The following PAK5 variants were observed in gnomAD, a reference collection of about 807,000 sequenced individuals.
The protein encoded by PAK5 is p21 (RAC1) activated kinase 5, also known as serine/threonine-protein kinase PAK 5.
In PAK5, 16 loss-of-function variants were observed where a neutral mutation model predicts 65.9. The ratio of observed to expected loss-of-function variants is 0.24; its 90% confidence interval spans 0.16 to 0.37. The LOEUF (loss-of-function observed/expected upper bound fraction) is 0.37, where lower values mean the gene tolerates loss of function less well. PAK5 is among the 10% of genes least tolerant of loss of function. The pLI, the probability that PAK5 is intolerant of heterozygous loss-of-function variation, is 1.00. For synonymous variants in PAK5, 371 were observed against 354.9 expected, an observed-to-expected ratio of 1.05 and a Z score of -0.51; for missense variants, 785 against 903.9, an observed-to-expected ratio of 0.87 and a Z score of 1.69.
chr20:9,707,455 T>C (rs2048023206), intron 2 of PAK5, among the ~76,000 whole-genome samples: 1 of 152,248 alleles, frequency 6.6e-6, no homozygotes, highest in Non-Finnish European at 1.5e-5. Flanking sequence ...AATACCTACT[T>C]ACTCTGTAAT....
At position 9,638,181 on chromosome 20, in the gene PAK5, C is replaced by T. The variant is rs143322394; in HGVS notation, c.204+5944G>A. Among the ~76,000 whole-genome samples the T allele has an allele frequency of 1.5e-3, 232 of 152,342 alleles. 1 individual carries two copies. The highest frequency in any genetic ancestry group is 5.2e-3 in the African/African-American group (217 of 41,560). The stretch of plus-strand genomic sequence containing the variant: ...ATCACAAACAAATACGACCATTCAA[C>T]CTGCCCTTTACATAATGCATCTAAT... On this transcript the variant is annotated intron_variant, in intron 3 of 9. Coordinates refer to ENST00000353224, the MANE Select transcript of PAK5 (RefSeq NM_177990.4).
chr20:9,634,211 A>C (rs2046956848), intron 3 of PAK5, among the ~76,000 whole-genome samples: 1 of 152,146 alleles, frequency 6.6e-6, no homozygotes, highest in Admixed American at 6.5e-5. Flanking sequence ...AGGGAGCTGC[A>C]GGTGTGATAG....
intron 1 of PAK5, among the ~76,000 whole-genome samples, chr20:9,734,563 C>CACACACACAT (rs2048368624): frequency 6.8e-6 from 1 of 147,162 alleles, no homozygotes; most frequent in Non-Finnish European, 1.5e-5. Context: ...CACACACACA[C>CACACACACAT]ACACACACAC....
intron 3 of PAK5, among the ~76,000 whole-genome samples, chr20:9,637,067 C>T (rs1569012550): frequency 6.6e-6 from 1 of 152,184 alleles, no homozygotes; most frequent in Non-Finnish European, 1.5e-5. Context: ...GTGGTTCAAT[C>T]GTGGCTCACT....
chr20:9,749,072 A>G (rs1198215704), intron 1 of PAK5, among the ~76,000 whole-genome samples: 1 of 152,076 alleles, frequency 6.6e-6, no homozygotes, highest in East Asian at 1.9e-4. Flanking sequence ...AGTTTTTTAG[A>G]TCTGGTGCTT....
rs2123800633 is a variant in PAK5, at chr20:9,838,602, C to G, written c.-162+160G>C. Among the ~76,000 whole-genome samples the G allele has an allele frequency of 6.6e-6, 1 of 152,304 alleles. No homozygotes were observed. Among genetic ancestry groups the G allele is most frequent in the East Asian group, 1.9e-4 (1 of 5,158 alleles). The stretch of plus-strand genomic sequence containing the variant: ...CCAGGCAGCAGGTCCCTAGCCTTTG[C>G]ATCTCCTAGGAGATGCAGGATCGCG... On this transcript the variant is annotated intron_variant, in intron 1 of 9. Coordinates refer to ENST00000353224, the MANE Select transcript of PAK5 (RefSeq NM_177990.4). The surrounding 1 kb of genome is among the most constrained non-coding windows in gnomAD (Gnocchi z 4.5).
chr20:9,806,974 C>T (rs1416196726), intron 1 of PAK5, among the ~76,000 whole-genome samples: 1 of 152,100 alleles, frequency 6.6e-6, no homozygotes, highest in African/African-American at 2.4e-5. Flanking sequence ...CTACAGTCTA[C>T]CCACATTCCT....
chr20:9,729,348 G>C (rs2048310532), intron 1 of PAK5, among the ~76,000 whole-genome samples: 1 of 152,132 alleles, frequency 6.6e-6, no homozygotes. Context: ...TGAAAAGTTA[G>C]GATGTCTGAT....
chr20:9,749,410 C>T (rs1600323500), intron 1 of PAK5, among the ~76,000 whole-genome samples: 1 of 151,978 alleles, frequency 6.6e-6, no homozygotes, highest in Non-Finnish European at 1.5e-5. Flanking sequence ...TGGTTTTATG[C>T]CTTTTCCCAC....
chr20:9,548,903 C>T (rs751610780), intron 7 of PAK5, among the ~76,000 whole-genome samples: 6 of 151,774 alleles, frequency 4.0e-5, no homozygotes, highest in South Asian at 4.2e-4. Flanking sequence ...AGTGGTGGTA[C>T]GATTTGAATT....
intron 7 of PAK5, among the ~76,000 whole-genome samples, chr20:9,556,512 C>T (rs1221782389): frequency 6.6e-6 from 1 of 152,194 alleles, no homozygotes; most frequent in African/African-American, 2.4e-5. Flanking sequence ...ACAGGAACAT[C>T]AAGGGAATGG....
At chr20:9,721,536 T>C (rs1280650692) in intron 1 of PAK5, among the ~76,000 whole-genome samples, 3 of 150,834 alleles carry the variant, frequency 2.0e-5, no homozygotes, top group Non-Finnish European at 2.9e-5. Flanking sequence ...ACCTGTAATC[T>C]CAGCTACTCG....
At chr20:9,739,405 C>G (rs1177838104) in intron 1 of PAK5, among the ~76,000 whole-genome samples, 1 of 152,024 alleles carries the variant, frequency 6.6e-6, no homozygotes, top group African/African-American at 2.4e-5. Context: ...GAGTGCAACT[C>G]ATGTTTGTGA....
chr20:9,549,117 G>A (rs2045389018), intron 7 of PAK5, among the ~76,000 whole-genome samples: 1 of 152,162 alleles, frequency 6.6e-6, no homozygotes, highest in East Asian at 1.9e-4. Context: ...ATAATGCACA[G>A]AAGTAAAAAT....
In PAK5 at chr20:9,566,229, C is replaced by G. The variant is rs2045676897; in HGVS notation, c.1146G>C (p.Leu382Phe). Residue 382 changes from leucine (L) to phenylalanine (F), a missense_variant, in exon 5 of 10, where the codon TTG becomes TTC. Leu to Phe is a conservative substitution (Grantham distance 22). Transcript: ENST00000353224. ...TGCTCTGCAGGGAGGGGTGATGGTACAAGGTGGCTTTGTGGTACCCAGACG... is the reference window on the plus strand; with the variant it reads ...TGCTCTGCAGGGAGGGGTGATGGTAGAAGGTGGCTTTGTGGTACCCAGACG... The part of the protein sequence containing the change: ...QYPSGYHKAT[L>F]YHHPSLQSSS... The G allele has an allele frequency of 1.9e-6, 3 of 1,613,818 alleles. No homozygotes were observed. Among genetic ancestry groups the G allele is most frequent in the Non-Finnish European group, 2.5e-6 (3 of 1,179,970 alleles).
intron 1 of PAK5, among the ~76,000 whole-genome samples, chr20:9,715,232 A>G (rs1315612218): frequency 2.6e-5 from 4 of 152,178 alleles, no homozygotes; most frequent in African/African-American, 9.7e-5. Flanking sequence ...ACAAGTGGGC[A>G]AAGGATATGA....
chr20:9,597,892 C>T (rs2046298476), intron 3 of PAK5, among the ~76,000 whole-genome samples: 2 of 152,190 alleles, frequency 1.3e-5, no homozygotes, highest in South Asian at 4.1e-4. Flanking sequence ...GAGGCTAGAA[C>T]CATGGGTCAA....
chr20:9,622,051 T>C (rs1212023812), intron 3 of PAK5, among the ~76,000 whole-genome samples: 1 of 152,230 alleles, frequency 6.6e-6, no homozygotes, highest in African/African-American at 2.4e-5. Flanking sequence ...TCTGAGGTTC[T>C]GCTTCTAGCA....
chr20:9,706,658 CT>C (rs60683209), intron 2 of PAK5, among the ~76,000 whole-genome samples: 3,545 of 141,130 alleles, frequency 0.025, 115 homozygotes, highest in African/African-American at 0.077. Context: ...TTTGTTTTTT[CT>C]TTTTTTTTTT....
Sources: gnomAD v4.1 joint callset for allele counts (sites outside exome capture counted in the v4.1 genomes callset) on GRCh38, gnomAD v4.1.1 for gene constraint, Gnocchi (gnomAD v3.1) non-coding constraint, MANE v1.5 for transcripts, NCBI Gene and HGNC (gene_info 2026-07-23, HGNC 2026-07-21) for gene names.